Variants in ZMYND11 observed in about 807,000 individuals in gnomAD.
The protein encoded by ZMYND11 is zinc finger MYND-type containing 11.
ZMYND11 carries 9 observed loss-of-function variants against 84.9 expected under a neutral mutation model. The observed-to-expected ratio is 0.11, with a 90% CI of 0.06 to 0.18. The LOEUF is 0.18. Among genes scored for constraint, ZMYND11 ranks in the 10% least tolerant of loss-of-function variants. The pLI is 1.00. For synonymous variants in ZMYND11, 250 were observed against 244.1 expected (o/e 1.02, Z -0.23); for missense variants, 409 against 761.0 (o/e 0.54, Z 5.44).
chr10:246,883 C>T lies in ZMYND11; in HGVS notation c.1068C>T (p.Phe356=). 1 of 1,613,948 alleles carries T rather than the reference C, an allele frequency of 6.2e-7. No individual in the cohort carries two copies. Among genetic ancestry groups the T allele is most frequent in the African/African-American group, 1.3e-5 (1 of 75,012 alleles). ...ATGAGCTGGAGCTGCATCAGCGTTTCCTACGAGAAGGGAGATTTTGGAAAT... is the reference window on the plus strand; with the variant it reads ...ATGAGCTGGAGCTGCATCAGCGTTTTCTACGAGAAGGGAGATTTTGGAAAT... ...ACDELELHQR[F]LREGRFWKSK... The change falls in exon 11 of 15, where the codon TTC becomes TTT. Residue 356 remains phenylalanine (F), a synonymous_variant. Transcript: ENST00000381604.
intron 3 of ZMYND11, among the ~76,000 whole-genome samples, chr10:212,425 C>G (rs1945409463): frequency 6.6e-6 from 1 of 151,354 alleles, no homozygotes; most frequent in African/African-American, 2.4e-5. Flanking sequence ...AATATAAGCA[C>G]AAGTGAATAT....
chr10:145,540 G>A (rs1003414710), intron 1 of ZMYND11, among the ~76,000 whole-genome samples: 17 of 152,056 alleles, frequency 1.1e-4, no homozygotes, highest in African/African-American at 3.6e-4. Flanking sequence ...TCTTTTCTCC[G>A]CATCCATGCC....
chr10:248,262 C>T (rs932884416), intron 12 of ZMYND11, 74 bp from the exon 13 acceptor site: 2 of 1,527,576 alleles, frequency 1.3e-6, no homozygotes, highest in Admixed American at 4.0e-5. Flanking sequence ...GAATTTTTAT[C>T]CGAATGGGGT....
Position 135,736 on chromosome 10 carries a change from T to TGGCGGGGCGGGCCGGGCC in ZMYND11, c.-20+186_-20+203dup, listed in dbSNP as rs1461441640. 7.3e-6 allele frequency among the ~76,000 whole-genome samples: 1 copy of TGGCGGGGCGGGCCGGGCC among 137,238 alleles called. No individual in the cohort carries two copies. Among genetic ancestry groups the TGGCGGGGCGGGCCGGGCC allele is most frequent in the Non-Finnish European group, 1.6e-5 (1 of 62,718 alleles). 90.0% of individuals were successfully genotyped at this position (137,238 alleles called of 152,430 possible). A position where few individuals can be genotyped will look rare whatever the true frequency, so the allele number is the denominator to read the frequency against. ...CCGAGCTGCCGGGGAGCTTTGTGGA[T>TGGCGGGGCGGGCCGGGCC]GGCGGGGCGGGCCGGGCCGGCGGGG... On this transcript the variant is annotated intron_variant, in intron 1 of 14. Coordinates refer to ENST00000381604, the MANE Select transcript of ZMYND11 (RefSeq NM_001370100.5). This position sits in a 1 kb window ranked among gnomAD's most constrained non-coding sequence, Gnocchi z 5.6.
chr10:244,444 G>GTGTT (rs1256915886), intron 10 of ZMYND11: 1 of 152,250 alleles, frequency 6.6e-6, no homozygotes, highest in Non-Finnish European at 1.5e-5. Context: ...GAGTATGATT[G>GTGTT]TGTTTACATG....
chr10:236,584 A>T (rs1317990991), intron 4 of ZMYND11, among the ~76,000 whole-genome samples: 1 of 150,498 alleles, frequency 6.6e-6, no homozygotes, highest in Non-Finnish European at 1.5e-5. Flanking sequence ...AAATACCAAG[A>T]AAAGAAAAAA....
intron 10 of ZMYND11, 47 bp downstream of exon 10, chr10:242,186 T>A (rs1207636485): frequency 5.0e-6 from 8 of 1,587,022 alleles, no homozygotes; most frequent in Non-Finnish European, 6.9e-6. Flanking sequence ...GCTTATGAAG[T>A]CCTTAAGAAA....
upstream of ZMYND11, chr10:134,347 C>T (rs1394832358): frequency 1.3e-5 from 2 of 152,232 alleles, no homozygotes; most frequent in African/African-American, 2.4e-5. Context: ...GCGAAAGGTC[C>T]TCAGGGAAAA....
intron 1 of ZMYND11, among the ~76,000 whole-genome samples, chr10:151,825 G>A (rs979380512): frequency 2.6e-5 from 4 of 152,100 alleles, no homozygotes; most frequent in Non-Finnish European, 5.9e-5. Context: ...GAAAGGTTGG[G>A]TTACCCACAA....
At chr10:156,523 CCTTTTT>C (rs1841762151) in intron 1 of ZMYND11, among the ~76,000 whole-genome samples, 1 of 152,254 alleles carries the variant, frequency 6.6e-6, no homozygotes, top group East Asian at 1.9e-4. Flanking sequence ...GATGGTAGAT[CCTTTTT>C]CTTCTGTTCA....
intron 7 of ZMYND11, 156 bp from the exon 8 acceptor site, chr10:239,900 G>A: frequency 1.7e-6 from 1 of 587,962 alleles, no homozygotes; most frequent in South Asian, 2.4e-5. Context: ...AACAAAAGCT[G>A]CCTGTGTAAT....
At chr10:195,804 G>A (rs1308723052) in intron 2 of ZMYND11, among the ~76,000 whole-genome samples, 2 of 152,128 alleles carry the variant, frequency 1.3e-5, no homozygotes, top group East Asian at 1.9e-4. Flanking sequence ...TCCTAACATA[G>A]GAGGTGATTT....
At chr10:188,309 A>G (rs1939315053) in intron 2 of ZMYND11, among the ~76,000 whole-genome samples, 1 of 152,014 alleles carries the variant, frequency 6.6e-6, no homozygotes, top group Admixed American at 6.6e-5. Context: ...GTATGAGACC[A>G]TGTGCTGTGG....
At chr10:206,964 A>G (rs536924061) in intron 2 of ZMYND11, among the ~76,000 whole-genome samples, 1 of 152,074 alleles carries the variant, frequency 6.6e-6, no homozygotes, top group African/African-American at 2.4e-5. Flanking sequence ...CATTAGGTAT[A>G]TCTCCTAATG....
Position 209,970 on chromosome 10 carries a change from C to T in ZMYND11, c.198C>T (p.Val66=), listed in dbSNP as rs144524515. Residue 66 remains valine (V), a synonymous_variant, in exon 3 of 15, where the codon GTC becomes GTT. Transcript: ENST00000381604. ...LSLAVKDGLI[V]ETLTVGCKGS... Reference sequence around the variant, plus strand: ...TAGCTGTGAAAGATGGTCTTATTGTCGAAACTCTAACAGTGGGCTGCAAAG... The same window carrying T: ...TAGCTGTGAAAGATGGTCTTATTGTTGAAACTCTAACAGTGGGCTGCAAAG... 1.1e-3 allele frequency: 1,705 copies of T among 1,613,964 alleles called. 10 individuals are homozygous for T. The highest frequency in any genetic ancestry group is 3.7e-4 in the Admixed American group (22 of 60,008).
chr10:187,939 T>G (rs1939188818), intron 2 of ZMYND11, among the ~76,000 whole-genome samples: 1 of 152,164 alleles, frequency 6.6e-6, no homozygotes, highest in Admixed American at 6.5e-5. Flanking sequence ...GTTTAATCAT[T>G]GTAAAATGGA....
chr10:242,038 G>C lies in ZMYND11; in HGVS notation c.849G>C (p.Leu283=), dbSNP rs773584062. The change falls in exon 10 of 15, where the codon CTG becomes CTC. Residue 283 remains leucine (L), a synonymous_variant. Coordinates refer to ENST00000381604, the MANE Select transcript of ZMYND11 (RefSeq NM_001370100.5). Reference sequence around the variant, plus strand: ...ATTTCCAGATACCTAATCATGAGCTGGTTTGGGCTAAAATGAAAGGTTTTG... The same window carrying C: ...ATTTCCAGATACCTAATCATGAGCTCGTTTGGGCTAAAATGAAAGGTTTTG... ...FCYPCIPNHE[L]VWAKMKGFGF... 80 of 1,613,918 alleles carry C rather than the reference G, an allele frequency of 5.0e-5. No homozygotes were observed. The highest frequency in any genetic ancestry group is 1.6e-4 in the Middle Eastern group (1 of 6,084).
chr10:150,024 T>C lies in ZMYND11; in HGVS notation c.-20+14465T>C, dbSNP rs193069957. ...CTGGATTCGGTTTGCCAGTATTTTA[T>C]TGAGGATTTTTGCATCAATGTTCAT... On this transcript the variant is annotated intron_variant, in intron 1 of 14. Coordinates refer to ENST00000381604, the MANE Select transcript of ZMYND11 (RefSeq NM_001370100.5). Among the ~76,000 whole-genome samples, 1,002 of 152,356 alleles carry C rather than the reference T, an allele frequency of 6.6e-3. 7 individuals are homozygous for C. Among genetic ancestry groups the C allele is most frequent in the Middle Eastern group, 0.014 (4 of 294 alleles).
chr10:225,214 C>T lies in ZMYND11; in HGVS notation c.438+3858C>T, dbSNP rs187495582. On this transcript the variant is annotated intron_variant, in intron 4 of 14. Coordinates refer to ENST00000381604, the MANE Select transcript of ZMYND11 (RefSeq NM_001370100.5). ...TTTTAGGTTTAAAGGATAGTGTACA[C>T]GTTTAAATTTTTGATAAAAATCACT... Among the ~76,000 whole-genome samples the T allele has an allele frequency of 2.3e-3, 356 of 152,242 alleles. 1 individual carries two copies. Among genetic ancestry groups the T allele is most frequent in the Non-Finnish European group, 3.5e-3 (235 of 68,022 alleles).
Sources: gnomAD v4.1 joint callset for allele counts (sites outside exome capture counted in the v4.1 genomes callset) on GRCh38, gnomAD v4.1.1 for gene constraint, Gnocchi (gnomAD v3.1) non-coding constraint, MANE v1.5 for transcripts, NCBI Gene and HGNC (gene_info 2026-07-23, HGNC 2026-07-21) for gene names.